The following WIPF1 variants were observed in gnomAD, a reference collection of about 807,000 sequenced individuals.
WIPF1 encodes the protein WAS/WASL-interacting protein family member 1.
Under a neutral mutation model 35.4 loss-of-function variants are expected in WIPF1, and 13 were observed. The ratio of observed to expected loss-of-function variants is 0.37; its 90% CI spans 0.24 to 0.58. WIPF1 has a LOEUF of 0.58. Ranked by LOEUF, WIPF1 falls within the 20% of genes least tolerant of loss-of-function variation. The pLI is 0.74. For synonymous variants in WIPF1, 267 were observed against 266.3 expected, an observed-to-expected ratio of 1.00 and a Z score of -0.02; for missense variants, 591 against 667.0, an observed-to-expected ratio of 0.89 and a Z score of 1.25.
intron 1 of WIPF1, among the ~76,000 whole-genome samples, chr2:174,606,594 GA>G (rs2105891122): frequency 6.6e-6 from 1 of 152,258 alleles, no homozygotes; most frequent in Admixed American, 6.5e-5. Context: ...GTCAGTCCCG[GA>G]AAAGTCTTGG....
chr2:174,583,207 C>T (rs147744899), intron 2 of WIPF1, among the ~76,000 whole-genome samples: 2 of 152,358 alleles, frequency 1.3e-5, no homozygotes, highest in African/African-American at 2.4e-5. Flanking sequence ...TTTGCTTTTG[C>T]TAATGGGATT....
At chr2:174,605,570 A>G (rs1458097948) in intron 1 of WIPF1, among the ~76,000 whole-genome samples, 1 of 152,208 alleles carries the variant, frequency 6.6e-6, no homozygotes, top group Non-Finnish European at 1.5e-5. Context: ...GATATTGATA[A>G]TTGTTAGGTG....
intron 6 of WIPF1, 62 bp from the exon 7 acceptor site, chr2:174,567,245 C>A: frequency 6.9e-7 from 1 of 1,446,906 alleles, no homozygotes; most frequent in Non-Finnish European, 9.7e-7. Flanking sequence ...ACTTACGTAA[C>A]GAAAGGCACA....
chr2:174,568,358 A>G (rs1022169603), intron 5 of WIPF1, among the ~76,000 whole-genome samples: 1 of 152,202 alleles, frequency 6.6e-6, no homozygotes, highest in South Asian at 2.1e-4. Context: ...AAACAGGTGA[A>G]AATCTGTTTA....
intron 1 of WIPF1, among the ~76,000 whole-genome samples, chr2:174,617,510 A>T (rs1686543975): frequency 6.6e-6 from 1 of 152,156 alleles, no homozygotes; most frequent in African/African-American, 2.4e-5. Flanking sequence ...TAGGCATCGG[A>T]GCAAATGGTA....
chr2:174,581,163 G>A (rs1479666890), intron 3 of WIPF1, 147 bp downstream of exon 3: 3 of 1,141,470 alleles, frequency 2.6e-6, no homozygotes, highest in Non-Finnish European at 2.4e-6. Context: ...GCGGCCTACA[G>A]GGAGTGATAC....
chr2:174,588,304 C>T (rs1336104934), intron 1 of WIPF1, among the ~76,000 whole-genome samples: 2 of 152,212 alleles, frequency 1.3e-5, no homozygotes, highest in Non-Finnish European at 2.9e-5. Context: ...ACTATTTTGT[C>T]TGACTCCACG....
intron 4 of WIPF1, among the ~76,000 whole-genome samples, chr2:174,574,386 TC>T (rs1277797736): frequency 6.6e-6 from 1 of 152,210 alleles, no homozygotes; most frequent in Non-Finnish European, 1.5e-5. Flanking sequence ...TTTGGACCAT[TC>T]AGTGATAAAA....
rs1412233124 is a variant in WIPF1, at chr2:174,560,346, G to A, written c.*2201C>T. 4 of 152,554 alleles carry A rather than the reference G, an allele frequency of 2.6e-5. No individual in the cohort carries two copies. Among genetic ancestry groups the A allele is most frequent in the South Asian group, 4.1e-4 (2 of 4,820 alleles). The allele number at this position is 152,554 out of a possible 1,614,324, so 9.5% of individuals were successfully genotyped here. ...TCAGATTTAGAACGGTACCTGCCAA[G>A]TTCAGATATGCAAAGGAATTGTCCA... On this transcript the variant is annotated 3_prime_UTR_variant, in exon 8 of 8. Coordinates refer to ENST00000679041, the MANE Select transcript of WIPF1 (RefSeq NM_001375834.1).
intron 1 of WIPF1, among the ~76,000 whole-genome samples, chr2:174,674,034 C>T (rs888403173): frequency 7.2e-5 from 11 of 152,114 alleles, no homozygotes; most frequent in African/African-American, 2.2e-4. Flanking sequence ...TTAGTTATTC[C>T]GTTCCTATAA....
At chr2:174,624,267 A>G (rs1383829242) in intron 1 of WIPF1, among the ~76,000 whole-genome samples, 1 of 152,240 alleles carries the variant, frequency 6.6e-6, no homozygotes, top group East Asian at 1.9e-4. Flanking sequence ...ACTAGAGCAG[A>G]AAGTGAGTGG....
At chr2:174,592,669 G>A (rs1258775072) in intron 1 of WIPF1, among the ~76,000 whole-genome samples, 2 of 148,132 alleles carry the variant, frequency 1.4e-5, no homozygotes, top group East Asian at 2.0e-4. Context: ...GCAGTGGTAC[G>A]ATCTTGGCTC....
At chr2:174,599,817 A>ATCTCTC (rs60827805), upstream of WIPF1, among the ~76,000 whole-genome samples, 13 of 139,350 alleles carry the variant, frequency 9.3e-5, no homozygotes, top group Non-Finnish European at 1.4e-4. Flanking sequence ...CTCTCTAGCT[A>ATCTCTC]TCTCTCTCTC....
intron 1 of WIPF1, among the ~76,000 whole-genome samples, chr2:174,663,562 T>G (rs1392589520): frequency 1.3e-5 from 2 of 148,894 alleles, no homozygotes; most frequent in Non-Finnish European, 3.0e-5. Flanking sequence ...AGAGAAGCAG[T>G]TCACTTTGTG....
At chr2:174,650,996 T>C (rs1463432521) in intron 1 of WIPF1, among the ~76,000 whole-genome samples, 1 of 152,270 alleles carries the variant, frequency 6.6e-6, no homozygotes, top group East Asian at 1.9e-4. Context: ...GCTTTCGCAT[T>C]GCTTGTTGGG....
At chr2:174,575,021 G>C in intron 4 of WIPF1, 183 bp downstream of exon 4, 1 of 851,394 alleles carries the variant, frequency 1.2e-6, no homozygotes, top group South Asian at 1.4e-5. Context: ...CTGTGTAGCT[G>C]TCTGATCCTG....
intron 1 of WIPF1, among the ~76,000 whole-genome samples, chr2:174,641,858 C>T (rs1317211935): frequency 1.3e-5 from 2 of 152,136 alleles, no homozygotes; most frequent in African/African-American, 4.8e-5. Flanking sequence ...TCATTATAAT[C>T]CTGTGAGGTA....
At position 174,568,139 on chromosome 2, in the gene WIPF1, G is replaced by A. The variant is rs201327694; in HGVS notation, c.1130-66C>T. 9 of 1,513,684 alleles carry A rather than the reference G, an allele frequency of 5.9e-6. No homozygotes were observed. The East Asian group carries it at 2.1e-4, about 36-fold the overall frequency. 93.8% of individuals were successfully genotyped at this position (1,513,684 alleles called of 1,614,324 possible). On this transcript the variant is annotated intron_variant, in intron 5 of 7. Transcript: ENST00000679041. ...ACATTCCATTACCGTGGTCACCATT[G>A]GTGTACAGCTGATGAGGACTTGCTG... is the stretch of plus-strand genomic sequence containing the variant.
upstream of WIPF1, among the ~76,000 whole-genome samples, chr2:174,599,378 T>C (rs1685919761): frequency 6.6e-6 from 1 of 152,210 alleles, no homozygotes; most frequent in East Asian, 1.9e-4. Flanking sequence ...AGGAGTCTAA[T>C]TGCATGAGCA....
Sources: gnomAD v4.1 joint callset for allele counts (sites outside exome capture counted in the v4.1 genomes callset) on GRCh38, gnomAD v4.1.1 for gene constraint, MANE v1.5 for transcripts, NCBI Gene and HGNC (gene_info 2026-07-23, HGNC 2026-07-21) for gene names.